Variants in PBX1 observed in about 807,000 individuals in gnomAD.
PBX1 encodes the protein pre-B-cell leukemia transcription factor 1.
A neutral mutation model predicts 53.4 loss-of-function variants in PBX1; 6 were observed. That is an observed-to-expected ratio of 0.11 (90% CI 0.06 to 0.22). PBX1 has a LOEUF of 0.22. PBX1 is among the 10% of genes least tolerant of loss of function. PBX1 has a pLI of 1.00. For synonymous variants in PBX1, 204 were observed against 212.3 expected (o/e 0.96, Z 0.34); for missense variants, 251 against 551.4 (o/e 0.46, Z 5.46).
intron 2 of PBX1, among the ~76,000 whole-genome samples, chr1:164,636,234 G>T (rs897182034): frequency 6.6e-6 from 1 of 152,072 alleles, no homozygotes; most frequent in Admixed American, 6.5e-5. Flanking sequence ...AGATGGAAGG[G>T]GGGAGGAACA....
chr1:164,688,318 G>C (rs1234372787), intron 2 of PBX1, among the ~76,000 whole-genome samples: 1 of 152,196 alleles, frequency 6.6e-6, no homozygotes, highest in Non-Finnish European at 1.5e-5. Flanking sequence ...TATAAGTAGA[G>C]AGAGTTTCTG....
chr1:164,779,654 C>CT (rs1235979059), intron 2 of PBX1, among the ~76,000 whole-genome samples: 1 of 152,162 alleles, frequency 6.6e-6, no homozygotes, highest in Non-Finnish European at 1.5e-5. Context: ...AGAGTTGGAG[C>CT]CTCCTGTCTG....
chr1:164,623,565 G>A (rs1657834408), intron 2 of PBX1, among the ~76,000 whole-genome samples: 2 of 152,186 alleles, frequency 1.3e-5, no homozygotes, highest in Non-Finnish European at 2.9e-5. Flanking sequence ...TGCCAAAGTC[G>A]TGCTTACTGA....
At chr1:164,854,108 G>A (rs1293609198), downstream of PBX1, 2 of 151,922 alleles carry the variant, frequency 1.3e-5, no homozygotes, top group Non-Finnish European at 2.9e-5. Flanking sequence ...GTCTCACCAT[G>A]TTGGCCAGGC....
At chr1:164,688,234 A>G (rs1234773730) in intron 2 of PBX1, among the ~76,000 whole-genome samples, 1 of 152,194 alleles carries the variant, frequency 6.6e-6, no homozygotes, top group Non-Finnish European at 1.5e-5. Flanking sequence ...TACTGTTCAG[A>G]TAGACTTGAG....
chr1:164,562,528 AT>A (rs1653137361), intron 1 of PBX1, among the ~76,000 whole-genome samples: 1 of 151,768 alleles, frequency 6.6e-6, no homozygotes, highest in African/African-American at 2.4e-5. Context: ...ACAAAATTGC[AT>A]TTATTTTTCC....
chr1:164,736,686 C>T (rs773982291), intron 2 of PBX1, among the ~76,000 whole-genome samples: 22 of 151,894 alleles, frequency 1.4e-4, no homozygotes, highest in Non-Finnish European at 5.9e-5. Context: ...ATGAGGCAGA[C>T]AAGATGGACA....
chr1:164,673,953 G>T (rs902301768), intron 2 of PBX1, among the ~76,000 whole-genome samples: 2 of 151,794 alleles, frequency 1.3e-5, no homozygotes, highest in Non-Finnish European at 2.9e-5. Context: ...AAAGGGATGG[G>T]GCTATGAATA....
At chr1:164,632,327 C>T (rs541869979) in intron 2 of PBX1, among the ~76,000 whole-genome samples, 1 of 152,170 alleles carries the variant, frequency 6.6e-6, no homozygotes, top group African/African-American at 2.4e-5. Context: ...CTTTATTATG[C>T]AGTTTCTTCT....
intron 2 of PBX1, among the ~76,000 whole-genome samples, chr1:164,878,876 G>A (rs903228605): frequency 6.6e-6 from 1 of 152,210 alleles, no homozygotes; most frequent in African/African-American, 2.4e-5. Context: ...CTATGAGACA[G>A]TCAAAGACAA....
At chr1:164,832,619 G>T (rs1670825062) in intron 8 of PBX1, among the ~76,000 whole-genome samples, 1 of 151,240 alleles carries the variant, frequency 6.6e-6, no homozygotes, top group South Asian at 2.1e-4. Flanking sequence ...AGCCTGCAAG[G>T]GTAATATAAT....
At chr1:164,603,426 G>C (rs1656315126) in intron 2 of PBX1, among the ~76,000 whole-genome samples, 1 of 152,140 alleles carries the variant, frequency 6.6e-6, no homozygotes, top group South Asian at 2.1e-4. Context: ...GCCAGATGTA[G>C]CTAGAGGACT....
At chr1:164,694,372 C>T (rs1662685541) in intron 2 of PBX1, among the ~76,000 whole-genome samples, 2 of 152,188 alleles carry the variant, frequency 1.3e-5, no homozygotes, top group African/African-American at 4.8e-5. Context: ...ATATATCCAT[C>T]TGTGATCTCA....
At chr1:164,884,192 T>A (rs1410647175) in intron 2 of PBX1, among the ~76,000 whole-genome samples, 2 of 152,256 alleles carry the variant, frequency 1.3e-5, no homozygotes, top group Non-Finnish European at 2.9e-5. Flanking sequence ...GAGAAAGTAC[T>A]GCAAAAATGA....
At position 164,581,352 on chromosome 1, in the gene PBX1, C is replaced by T. The variant is rs547501052; in HGVS notation, c.265+18041C>T. On this transcript the variant is annotated intron_variant, in intron 2 of 8. Transcript: ENST00000420696. ...AAGTGATTCTTCTGTCTCAGCCTCC[C>T]GAGTAGCTGGGATTACAGGCACGGG... 4.6e-5 allele frequency among the ~76,000 whole-genome samples: 7 copies of T among 152,028 alleles called. No homozygotes were observed. In the East Asian group the frequency reaches 7.8e-4, roughly 17 times the overall value.
intron 2 of PBX1, among the ~76,000 whole-genome samples, chr1:164,691,189 A>AT (rs1571229250): frequency 6.6e-6 from 1 of 151,184 alleles, no homozygotes; most frequent in Non-Finnish European, 1.5e-5. Context: ...TAATTTTTGT[A>AT]TTTTTTGTAG....
intron 2 of PBX1, chr1:164,787,566 G>C (rs1312160923): frequency 6.6e-6 from 1 of 152,176 alleles, no homozygotes; most frequent in Non-Finnish European, 1.5e-5. Context: ...CCCGCCACAC[G>C]GCCCTCCCGC....
At chr1:164,695,321 A>T (rs1662745234) in intron 2 of PBX1, among the ~76,000 whole-genome samples, 1 of 152,140 alleles carries the variant, frequency 6.6e-6, no homozygotes, top group Admixed American at 6.5e-5. Context: ...GAACCTTGTG[A>T]TCTAGTCCTT....
chr1:164,876,911 C>A (rs774966942), intron 2 of PBX1, among the ~76,000 whole-genome samples: 21 of 152,270 alleles, frequency 1.4e-4, no homozygotes, highest in Non-Finnish European at 2.9e-4. Context: ...TCCCGGCCCC[C>A]TGCCGTGCAC....
Sources: gnomAD v4.1 joint callset for allele counts (sites outside exome capture counted in the v4.1 genomes callset) on GRCh38, gnomAD v4.1.1 for gene constraint, MANE v1.5 for transcripts, NCBI Gene and HGNC (gene_info 2026-07-23, HGNC 2026-07-21) for gene names.